CHM: variants seen among roughly 807,000 people sequenced by gnomAD.
CHM encodes CHM Rab escort protein, also known as rab proteins geranylgeranyltransferase component A 1.
Under a neutral mutation model 49.0 loss-of-function variants are expected in CHM, and 10 were observed. That is an observed-to-expected ratio of 0.20 (90% CI 0.13 to 0.35). The LOEUF (loss-of-function observed/expected upper bound fraction) is 0.35, where lower values mean the gene tolerates loss of function less well. CHM is among the 10% of genes least tolerant of loss of function. The pLI is 1.00. For synonymous variants in CHM, 184 were observed against 167.5 expected (o/e 1.10, Z -0.76); for missense variants, 455 against 478.4 (o/e 0.95, Z 0.46).
At chrX:85,913,334 AAGAAAG>A (rs1405519708) in intron 8 of CHM, among the ~76,000 whole-genome samples, 11 of 60,275 alleles carry the variant, frequency 1.8e-4, no homozygotes, top group Admixed American at 5.4e-4. Flanking sequence ...AAAAAAAAAA[AAGAAAG>A]AAAGAAAGAA....
chrX:86,047,185 T>G (rs1421154924), intron 1 of CHM: 1 of 379,592 alleles, frequency 2.6e-6, no homozygotes, highest in Admixed American at 4.4e-5. Context: ...ACCCTCCATT[T>G]CATGACACTG....
At chrX:85,949,886 G>A (rs5967651) in intron 8 of CHM, among the ~76,000 whole-genome samples, 23,930 of 100,885 alleles carry the variant, frequency 0.24, 2,151 homozygotes, top group Non-Finnish European at 0.26. Flanking sequence ...ACTGAAGGAA[G>A]GGGAATGTCC....
At chrX:85,932,229 G>A (rs957757002) in intron 8 of CHM, among the ~76,000 whole-genome samples, 2 of 111,672 alleles carry the variant, frequency 1.8e-5, no homozygotes, top group African/African-American at 3.3e-5. Context: ...AAACCTTTCC[G>A]AATGCAATAG....
chrX:86,002,209 C>T (rs185106516), intron 2 of CHM, among the ~76,000 whole-genome samples: 305 of 112,033 alleles, frequency 2.7e-3, no homozygotes, highest in African/African-American at 9.5e-3. Context: ...CCTGGGCAAA[C>T]CTGTGACCCG....
At chrX:85,986,343 G>A (rs780045270) in intron 2 of CHM, among the ~76,000 whole-genome samples, 1 of 111,561 alleles carries the variant, frequency 9.0e-6, no homozygotes, top group Non-Finnish European at 1.9e-5. Context: ...GATCACCCCA[G>A]AGTTTCAGTG....
intron 8 of CHM, among the ~76,000 whole-genome samples, chrX:85,940,420 T>C (rs1458411541): frequency 2.7e-5 from 3 of 111,914 alleles, no homozygotes; most frequent in Non-Finnish European, 3.8e-5. Flanking sequence ...CAATTCAATA[T>C]ATACTGAGTT....
chrX:85,963,559 T>G, intron 5 of CHM, 106 bp downstream of exon 5: 1 of 613,441 alleles, frequency 1.6e-6, no homozygotes, highest in Non-Finnish European at 2.6e-6. Flanking sequence ...ATCTGGCTAC[T>G]ATCTCTTTAC....
At chrX:85,922,907 C>T (rs1927874741) in intron 8 of CHM, among the ~76,000 whole-genome samples, 1 of 112,175 alleles carries the variant, frequency 8.9e-6, no homozygotes, top group African/African-American at 3.2e-5. Flanking sequence ...TAGCCTCATT[C>T]ACAATGATCC....
Position 86,020,971 on chromosome X carries a change from G to C in CHM, c.116+6520C>G, listed in dbSNP as rs970789528. Among the ~76,000 whole-genome samples the C allele has an allele frequency of 4.1e-5, 4 of 98,018 alleles. No individual in the cohort carries two copies. In the Admixed American group the frequency reaches 4.7e-4, roughly 11 times the overall value. 85.1% of individuals were successfully genotyped at this position (98,018 alleles called of 115,157 possible). A position where few individuals can be genotyped will look rare whatever the true frequency, so the allele number is the denominator to read the frequency against. On this transcript the variant is annotated intron_variant, in intron 2 of 14. Coordinates refer to ENST00000357749, the MANE Select transcript of CHM (RefSeq NM_000390.4). ...CATTATCTATCAGAGATATATGTGT[G>C]TATATATACATCTGAATCCCAGATG...
chrX:85,971,254 C>T (rs895625634), intron 4 of CHM: 69 of 753,341 alleles, frequency 9.2e-5, no homozygotes, highest in Admixed American at 4.3e-4. Context: ...AGAATGCTAT[C>T]GGTGTGTCCG....
At position 85,941,926 on chromosome X, in the gene CHM, G is replaced by C. The variant is rs974453603; in HGVS notation, c.1166+14227C>G. Among the ~76,000 whole-genome samples, 4 of 111,242 alleles carry C rather than the reference G, an allele frequency of 3.6e-5. No homozygotes were observed. The Admixed American group carries it at 3.8e-4, about 11-fold the overall frequency. On this transcript the variant is annotated intron_variant, in intron 8 of 14. Transcript: ENST00000357749. The stretch of plus-strand genomic sequence containing the variant: ...AGTAATAACAGCTAACACTTATCTA[G>C]TACTTGGGCAAGCAATATTAAAAGC...
chrX:86,047,146 C>A, intron 1 of CHM: 4 of 332,851 alleles, frequency 1.2e-5, no homozygotes, highest in Non-Finnish European at 2.2e-5. Context: ...TAATGTCTTG[C>A]CAAAGTCGTC....
chrX:85,973,012 A>C lies in CHM; in HGVS notation c.314+5755T>G, dbSNP rs761648733. Among the ~76,000 whole-genome samples the C allele has an allele frequency of 2.7e-5, 3 of 111,435 alleles. No homozygotes were observed. In the East Asian group the frequency reaches 8.5e-4, roughly 32 times the overall value. On this transcript the variant is annotated intron_variant, in intron 4 of 14. Coordinates refer to ENST00000357749, the MANE Select transcript of CHM (RefSeq NM_000390.4). The stretch of plus-strand genomic sequence containing the variant: ...AATCAAGTGGCATATATGAAAATCA[A>C]ACCATAGGCCGGGCGCGGTGGCTCA...
intron 5 of CHM, among the ~76,000 whole-genome samples, chrX:85,961,054 CATG>C (rs1930269043): frequency 9.0e-6 from 1 of 111,160 alleles, no homozygotes; most frequent in East Asian, 2.8e-4. Context: ...TTAATTATAT[CATG>C]ATGTCTTTGA....
At chrX:85,903,884 G>A (rs1318099957) in intron 9 of CHM, among the ~76,000 whole-genome samples, 1 of 110,956 alleles carries the variant, frequency 9.0e-6, no homozygotes, top group Non-Finnish European at 1.9e-5. Flanking sequence ...ATAATAACAT[G>A]ACTCACCTGA....
chrX:85,960,743 A>G (rs999515425), intron 5 of CHM, among the ~76,000 whole-genome samples: 20 of 110,808 alleles, frequency 1.8e-4, no homozygotes, highest in Admixed American at 1.2e-3. Flanking sequence ...CTTTTTCACT[A>G]CCCTCTAAGC....
chrX:85,976,903 C>T (rs1241661380), intron 4 of CHM, among the ~76,000 whole-genome samples: 1 of 108,262 alleles, frequency 9.2e-6, no homozygotes, highest in East Asian at 3.0e-4. Context: ...CACACACACA[C>T]ACACACACAC....
chrX:86,006,906 G>C (rs1271638099), intron 2 of CHM, among the ~76,000 whole-genome samples: 72 of 111,383 alleles, frequency 6.5e-4, no homozygotes, highest in Non-Finnish European at 1.0e-3. Flanking sequence ...TTGGAAAAAA[G>C]TACTTTAAAG....
chrX:85,998,224 G>C (rs62608949), intron 2 of CHM, among the ~76,000 whole-genome samples: 19,336 of 110,870 alleles, frequency 0.17, 1,571 homozygotes, highest in Non-Finnish European at 0.25. Context: ...AATGTGAAAA[G>C]AATGAGTAAA....
Sources: allele counts gnomAD v4.1 joint callset (sites outside exome capture counted in the v4.1 genomes callset), GRCh38; gene constraint gnomAD v4.1.1; transcripts MANE v1.5; gene names NCBI Gene and HGNC (gene_info 2026-07-23, HGNC 2026-07-21).